COL7A1: variants seen among roughly 807,000 people sequenced by gnomAD.
COL7A1 encodes collagen alpha-1(VII) chain.
A neutral mutation model predicts 456.2 loss-of-function variants in COL7A1; 296 were observed. The ratio of observed to expected loss-of-function variants is 0.65; its 90% CI spans 0.59 to 0.71. The LOEUF (loss-of-function observed/expected upper bound fraction) is 0.71, where lower values mean the gene tolerates loss of function less well. Ranked by LOEUF, COL7A1 falls within the 30% of genes least tolerant of loss-of-function variation. The probability of loss-of-function intolerance (pLI) is 0.00; values close to 1 mark genes in which losing one functional copy is unlikely to be tolerated. For synonymous variants in COL7A1, 1,464 were observed against 1,525.9 expected (o/e 0.96, Z 0.95); for missense variants, 3,441 against 4,017.2 (o/e 0.86, Z 3.88).
Position 48,568,679 on chromosome 3 carries a change from C to T in COL7A1, c.7758+105G>A. The T allele has an allele frequency of 6.8e-7, 1 of 1,479,078 alleles. No homozygotes were observed. Among genetic ancestry groups the T allele is most frequent in the Non-Finnish European group, 9.2e-7 (1 of 1,083,482 alleles). The allele number at this position is 1,479,078 out of a possible 1,614,324, so 91.6% of individuals were successfully genotyped here. ...GGGTGAACACACATGGGGCCGGCAG[C>T]AAGGGAGCCAGAACCCCCAGCACTT... On this transcript the variant is annotated intron_variant, in intron 104 of 118. Transcript: ENST00000681320. This position sits in a 1 kb window ranked among gnomAD's most constrained non-coding sequence, Gnocchi z 5.2.
In COL7A1 at chr3:48,585,772, T is replaced by A. The variant is rs568314793; in HGVS notation, c.3787-38A>T. 1.1e-5 allele frequency: 18 copies of A among 1,613,910 alleles called. No individual in the cohort carries two copies. The East Asian group carries it at 3.8e-4, about 34-fold the overall frequency. On this transcript the variant is annotated intron_variant, in intron 30 of 118. Coordinates refer to ENST00000681320, the MANE Select transcript of COL7A1 (RefSeq NM_000094.4). The surrounding 1 kb of genome is among the most constrained non-coding windows in gnomAD (Gnocchi z 4.5). The stretch of plus-strand genomic sequence containing the variant: ...ATCAGTGAGACCTGTGCTGCCAACC[T>A]CTCCTGCCCCACTGACACTCAACCC...
Position 48,595,162 on chromosome 3 carries a change from T to C in COL7A1, c.-1-2A>G. 1 of 1,551,322 alleles carries C rather than the reference T, an allele frequency of 6.4e-7. No homozygotes were observed. On this transcript the variant is annotated splice_acceptor_variant, in intron 1 of 118. Transcript: ENST00000681320. LOFTEE classifies it low-confidence loss of function (5UTR_SPLICE). ...GCCACCAGAAGCCGCAGCGTCATCC[T>C]AGGCAGTAAAAGCCGTCAGCTAGGA...
At position 48,574,510 on chromosome 3, in the gene COL7A1, G is replaced by A. The variant is rs937174861; in HGVS notation, c.6434C>T (p.Pro2145Leu). The change falls in exon 79 of 119, where the codon CCG becomes CTG. Residue 2145 changes from proline to leucine, a missense_variant. By Grantham distance (98) the Pro-to-Leu change is moderately conservative. Transcript: ENST00000681320. This position sits in a 1 kb window ranked among gnomAD's most constrained non-coding sequence, Gnocchi z 5.0. ...TACCGGGTTGCCGTCCTGACCCCTC[G>A]GTCCAGGCTCTCCCCGGTCTCCTTT... is the stretch of plus-strand genomic sequence containing the variant. ...GIKGDRGEPG[P>L]RGQDGNPGLP... 1.2e-5 allele frequency: 19 copies of A among 1,613,912 alleles called. No homozygotes were observed. Among genetic ancestry groups the A allele is most frequent in the South Asian group, 4.4e-5 (4 of 91,082 alleles).
Position 48,566,375 on chromosome 3 carries a change from G to A in COL7A1, c.8359-60C>T, listed in dbSNP as rs2043605914. ...CCATGGCCCACAGGAAGGACATAGG[G>A]CACATAATACAGGGACTATGGTGAG... On this transcript the variant is annotated intron_variant, in intron 113 of 118. Coordinates refer to ENST00000681320, the MANE Select transcript of COL7A1 (RefSeq NM_000094.4). The surrounding 1 kb of genome is among the most constrained non-coding windows in gnomAD (Gnocchi z 5.9). The A allele has an allele frequency of 6.2e-7, 1 of 1,601,222 alleles. No homozygotes were observed. The highest frequency in any genetic ancestry group is 1.3e-5 in the African/African-American group (1 of 74,646).
chr3:48,590,423 TCCCTTTGGCAGTC>T lies in COL7A1; in HGVS notation c.1906+23_1906+35del, dbSNP rs2045610618. ...CCTCTGGCACCCATACCCTCATTGG[TCCCTTTGGCAGTC>T]CCCCCACACACCCCACACTGACCAC... On this transcript the variant is annotated intron_variant, in intron 15 of 118. Transcript: ENST00000681320. The surrounding 1 kb of genome is among the most constrained non-coding windows in gnomAD (Gnocchi z 4.6). 1.2e-6 allele frequency: 2 copies of T among 1,613,882 alleles called. No homozygotes were observed. The highest frequency in any genetic ancestry group is 2.7e-5 in the African/African-American group (2 of 74,842).
chr3:48,595,034 G>T (rs774158191), intron 2 of COL7A1, 41 bp downstream of exon 2: 5 of 1,475,824 alleles, frequency 3.4e-6, no homozygotes, highest in Non-Finnish European at 3.7e-6. Context: ...AGGGTGGCAC[G>T]GTGCAGTGCC....
Position 48,594,508 on chromosome 3 carries a change from T to A in COL7A1, c.126A>T (p.Leu42Phe). ...GGCCAATGGATGAGGAGCCATCCAGTAAGAACACAATGTCAGCGGCGTAAA... is the reference window on the plus strand; with the variant it reads ...GGCCAATGGATGAGGAGCCATCCAGAAAGAACACAATGTCAGCGGCGTAAA... ...TRLYAADIVF[L>F]LDGSSSIGRS... The change falls in exon 3 of 119, where the codon TTA becomes TTT. Residue 42 changes from leucine to phenylalanine, a missense_variant. Physicochemically the swap from Leu to Phe is conservative, Grantham distance 22. Transcript: ENST00000681320. This position sits in a 1 kb window ranked among gnomAD's most constrained non-coding sequence, Gnocchi z 5.5. 1 of 1,611,818 alleles carries A rather than the reference T, an allele frequency of 6.2e-7. No homozygotes were observed. Among genetic ancestry groups the A allele is most frequent in the Non-Finnish European group, 8.5e-7 (1 of 1,179,878 alleles).
Position 48,578,222 on chromosome 3 carries a change from G to A in COL7A1, c.5532+99C>T, listed in dbSNP as rs775160884. ...TGTATGTCTGGGCCAGGATGCATGT[G>A]TCTACACGTGTGCCTCATGTGTTGC... is the stretch of plus-strand genomic sequence containing the variant. On this transcript the variant is annotated intron_variant, in intron 65 of 118. Transcript: ENST00000681320. The surrounding 1 kb of genome is among the most constrained non-coding windows in gnomAD (Gnocchi z 4.7). 2.5e-5 allele frequency: 34 copies of A among 1,376,628 alleles called. No individual in the cohort carries two copies. Among genetic ancestry groups the A allele is most frequent in the Non-Finnish European group, 3.4e-5 (33 of 975,968 alleles). The allele number at this position is 1,376,628 out of a possible 1,614,324, so 85.3% of individuals were successfully genotyped here.
rs2045125621 is a variant in COL7A1, at chr3:48,584,931, C to A, written c.3990G>T (p.Leu1330Phe). The change falls in exon 34 of 119, where the codon TTG (leucine) becomes TTT (phenylalanine). Residue 1330 changes from leucine to phenylalanine, a missense_variant. This residue lies in a region of COL7A1 where 2,084 missense variants were observed against 2,501.3 expected (regional missense o/e 0.83). Coordinates refer to ENST00000681320, the MANE Select transcript of COL7A1 (RefSeq NM_000094.4). ...TTACCGGGTCCCCACGAGGGCCAGG[C>A]AACCCTGGAGAGCCCTGCAAATGGA... Reference protein sequence around the residue: ...GAPGLKGSPGLPGPRGDPGER... With the variant: ...GAPGLKGSPGFPGPRGDPGER... The A allele has an allele frequency of 6.2e-7, 1 of 1,613,848 alleles. No homozygotes were observed. The highest frequency in any genetic ancestry group is 1.1e-5 in the South Asian group (1 of 91,088).
Position 48,569,810 on chromosome 3 carries a change from C to T in COL7A1, c.7522-50G>A, listed in dbSNP as rs765974658. 2 of 1,614,020 alleles carry T rather than the reference C, an allele frequency of 1.2e-6. No homozygotes were observed. The highest frequency in any genetic ancestry group is 1.7e-6 in the Non-Finnish European group (2 of 1,180,016). ...CCGCCCAAACTGGGGAGGCCCCGCA[C>T]CTGAATTCTAATATCATACAAGATC... On this transcript the variant is annotated intron_variant, in intron 100 of 118. Coordinates refer to ENST00000681320, the MANE Select transcript of COL7A1 (RefSeq NM_000094.4). The surrounding 1 kb of genome is among the most constrained non-coding windows in gnomAD (Gnocchi z 4.9).
chr3:48,589,301 C>G (rs2045523658), intron 18 of COL7A1, 26 bp downstream of exon 18: 2 of 1,611,628 alleles, frequency 1.2e-6, no homozygotes, highest in Non-Finnish European at 1.7e-6. Context: ...TGCGGTGTGG[C>G]TAGTAGCTGG....
In COL7A1 at chr3:48,588,381, C is replaced by G. The variant is rs1295859532; in HGVS notation, c.2611G>C (p.Gly871Arg). ...CCGCGCTGCACCACGTGAAGCGTCC[C>G]CAGGGCTGGCGGAGCCTCAGGCGCT... ...TTPPEAPPAL[G>R]TLHVVQRGEH... is the part of the protein sequence containing the mutation. Residue 871 changes from glycine to arginine, a missense_variant, in exon 21 of 119, where the codon GGG (glycine) becomes CGG (arginine). Physicochemically the swap from Gly to Arg is moderately radical, Grantham distance 125. Around this residue, in one of 3 missense-constraint regions of COL7A1, gnomAD observed 444 missense variants for 427.6 expected, o/e 1.04. Transcript: ENST00000681320. This position sits in a 1 kb window ranked among gnomAD's most constrained non-coding sequence, Gnocchi z 4.6. The G allele has an allele frequency of 6.2e-7, 1 of 1,611,284 alleles. No individual in the cohort carries two copies. The highest frequency in any genetic ancestry group is 8.5e-7 in the Non-Finnish European group (1 of 1,179,844).
rs755452562 is a variant in COL7A1 at position 48,586,341 on chromosome 3, G to C, written c.3541C>G (p.Gln1181Glu). The C allele has an allele frequency of 6.2e-7, 1 of 1,613,892 alleles. No individual in the cohort carries two copies. Among genetic ancestry groups the C allele is most frequent in the Non-Finnish European group, 8.5e-7 (1 of 1,179,952 alleles). ...TCAGCCTACTCCTTACCAGAAGCCTGGGCCTCACGGATGGGGCTGAATATG... is the reference window on the plus strand; with the variant it reads ...TCAGCCTACTCCTTACCAGAAGCCTCGGCCTCACGGATGGGGCTGAATATG... ...GDIFSPIREAQASGLNVVMLG... is the reference protein window; with the variant it reads ...GDIFSPIREAEASGLNVVMLG... Residue 1181 changes from glutamine to glutamate, a missense_variant, in exon 27 of 119, where the codon CAG becomes GAG. Gln to Glu is a conservative substitution (Grantham distance 29, BLOSUM62 2). This residue lies in a region of COL7A1 where 2,084 missense variants were observed against 2,501.3 expected (regional missense o/e 0.83). Transcript: ENST00000681320. This position sits in a 1 kb window ranked among gnomAD's most constrained non-coding sequence, Gnocchi z 5.1.
chr3:48,588,621 T>C lies in COL7A1; in HGVS notation c.2587+21A>G. The C allele has an allele frequency of 6.2e-7, 1 of 1,613,744 alleles. No individual in the cohort carries two copies. Among genetic ancestry groups the C allele is most frequent in the Non-Finnish European group, 8.5e-7 (1 of 1,180,030 alleles). The stretch of plus-strand genomic sequence containing the variant: ...CATCCACACCACCCATCCGAAGCTC[T>C]CCAGCGCATGCTCTGCCTACGCGTA... On this transcript the variant is annotated intron_variant, in intron 20 of 118. Transcript: ENST00000681320. The surrounding 1 kb of genome is among the most constrained non-coding windows in gnomAD (Gnocchi z 4.6).
At position 48,574,991 on chromosome 3, in the gene COL7A1, A is replaced by G; in HGVS notation, c.6279+73T>C. 6.3e-7 allele frequency: 1 copy of G among 1,575,720 alleles called. No homozygotes were observed. The highest frequency in any genetic ancestry group is 1.1e-5 in the South Asian group (1 of 90,068). ...CCAGGGTTATGGCACACACTACCAT[A>G]TTTCTGGGGACCAAGCTAAGGGTGG... is the stretch of plus-strand genomic sequence containing the variant. On this transcript the variant is annotated intron_variant, in intron 76 of 118. Transcript: ENST00000681320. The surrounding 1 kb of genome is among the most constrained non-coding windows in gnomAD (Gnocchi z 5.0).
rs2044022890 is a variant in COL7A1 at position 48,572,768 on chromosome 3, T to C, written c.6832-29A>G. 1.2e-6 allele frequency: 2 copies of C among 1,610,984 alleles called. No individual in the cohort carries two copies. Among genetic ancestry groups the C allele is most frequent in the South Asian group, 2.2e-5 (2 of 90,716 alleles). On this transcript the variant is annotated intron_variant, in intron 87 of 118. Transcript: ENST00000681320. This position sits in a 1 kb window ranked among gnomAD's most constrained non-coding sequence, Gnocchi z 4.6. The stretch of plus-strand genomic sequence containing the variant: ...TGGCAGAGCAGCGTGAGGAACTCAG[T>C]GCCTCTCCACCACCACCCCTGCTGC...
Position 48,575,149 on chromosome 3 carries a change from G to C in COL7A1, c.6217-23C>G, listed in dbSNP as rs1171929765. On this transcript the variant is annotated intron_variant, in intron 75 of 118. Transcript: ENST00000681320. This position sits in a 1 kb window ranked among gnomAD's most constrained non-coding sequence, Gnocchi z 6.3. ...GCCCTGCAGGAAACAAGAAAATGGG[G>C]TGGCAGCCCCAGCACAGCCTCCAGA... The C allele has an allele frequency of 6.2e-7, 1 of 1,613,884 alleles. No individual in the cohort carries two copies. Among genetic ancestry groups the C allele is most frequent in the South Asian group, 1.1e-5 (1 of 91,074 alleles).
chr3:48,572,968 C>A lies in COL7A1; in HGVS notation c.6751-26G>T. The A allele has an allele frequency of 4.3e-6, 7 of 1,614,034 alleles. No individual in the cohort carries two copies. Among genetic ancestry groups the A allele is most frequent in the Non-Finnish European group, 5.9e-6 (7 of 1,179,990 alleles). The stretch of plus-strand genomic sequence containing the variant: ...CTGAGAGGGAAGAGCTCTGTCAGGG[C>A]TGCCTGTCGACCCTTGACCCCTGGA... On this transcript the variant is annotated intron_variant, in intron 86 of 118. Coordinates refer to ENST00000681320, the MANE Select transcript of COL7A1 (RefSeq NM_000094.4). This position sits in a 1 kb window ranked among gnomAD's most constrained non-coding sequence, Gnocchi z 4.6.
Position 48,590,395 on chromosome 3 carries a change from TC to T in COL7A1, c.1907-40del. On this transcript the variant is annotated intron_variant, in intron 15 of 118. Transcript: ENST00000681320. This position sits in a 1 kb window ranked among gnomAD's most constrained non-coding sequence, Gnocchi z 4.6. ...GAAATGCTGGCATGGCTCCTGCCTGTCCCCTCTGGCACCCATACCCTCATTG... is the reference window on the plus strand; with the variant it reads ...GAAATGCTGGCATGGCTCCTGCCTGTCCCTCTGGCACCCATACCCTCATTG... The T allele has an allele frequency of 1.9e-6, 3 of 1,613,960 alleles. No homozygotes were observed. Among genetic ancestry groups the T allele is most frequent in the Non-Finnish European group, 2.5e-6 (3 of 1,179,974 alleles).
Sources: allele counts gnomAD v4.1 joint callset, GRCh38; gene constraint gnomAD v4.1.1; regional missense constraint gnomAD v4.1.1; non-coding constraint Gnocchi (gnomAD v3.1); transcripts MANE v1.5; gene names NCBI Gene and HGNC (gene_info 2026-07-23, HGNC 2026-07-21).